SBF2: variants seen among roughly 807,000 people sequenced by gnomAD.
The protein encoded by SBF2 is SET binding factor 2, also known as myotubularin-related protein 13.
A neutral mutation model predicts 225.2 loss-of-function variants in SBF2; 112 were observed. The ratio of observed to expected loss-of-function variants is 0.50; its 90% confidence interval spans 0.43 to 0.58. The LOEUF is 0.58. SBF2 is among the 20% of genes least tolerant of loss of function. The pLI, the probability that SBF2 is intolerant of heterozygous loss-of-function variation, is 0.00. For missense variants in SBF2, 1,996 were observed against 2,206.2 expected (o/e 0.90, Z 1.91); for synonymous variants, 763 against 773.3 (o/e 0.99, Z 0.22).
chr11:10,166,510 A>C lies in SBF2; in HGVS notation c.141+27392T>G, dbSNP rs558482434. ...ATTAGTAATCTTAAAGGATAAATTA[A>C]TCTTGTTTATATACTTCTATATTTA... is the stretch of plus-strand genomic sequence containing the variant. On this transcript the variant is annotated intron_variant, in intron 2 of 39. Coordinates refer to ENST00000256190, the MANE Select transcript of SBF2 (RefSeq NM_030962.4). 2.4e-4 allele frequency among the ~76,000 whole-genome samples: 37 copies of C among 152,308 alleles called. No homozygotes were observed. In the South Asian group the frequency reaches 7.5e-3, roughly 31 times the overall value.
At chr11:10,140,011 T>C (rs1327937801) in intron 2 of SBF2, among the ~76,000 whole-genome samples, 1 of 152,208 alleles carries the variant, frequency 6.6e-6, no homozygotes, top group African/African-American at 2.4e-5. Flanking sequence ...ATATAGGAGA[T>C]TAAACTTGTA....
chr11:9,909,486 A>G (rs1363436090), intron 16 of SBF2, among the ~76,000 whole-genome samples: 2 of 152,086 alleles, frequency 1.3e-5, no homozygotes, highest in African/African-American at 4.8e-5. Flanking sequence ...CCTGGCTAAC[A>G]CAGTGAAACC....
chr11:10,176,948 T>C (rs1267357636), intron 2 of SBF2, among the ~76,000 whole-genome samples: 2 of 152,222 alleles, frequency 1.3e-5, no homozygotes, highest in East Asian at 3.9e-4. Context: ...CTCAATAAAA[T>C]ACTGGCAAAC....
chr11:10,020,664 T>C (rs750082212), intron 6 of SBF2, among the ~76,000 whole-genome samples: 1 of 152,178 alleles, frequency 6.6e-6, no homozygotes, highest in Non-Finnish European at 1.5e-5. Context: ...CAATTTTTGC[T>C]GCAGACTCCT....
chr11:9,974,000 T>C (rs1002493747), intron 13 of SBF2, among the ~76,000 whole-genome samples: 1 of 152,188 alleles, frequency 6.6e-6, no homozygotes, highest in African/African-American at 2.4e-5. Flanking sequence ...ATTTTTTTTC[T>C]AATACAGTTG....
At chr11:10,165,939 C>T (rs1367003332) in intron 2 of SBF2, among the ~76,000 whole-genome samples, 1 of 151,986 alleles carries the variant, frequency 6.6e-6, no homozygotes, top group African/African-American at 2.4e-5. Flanking sequence ...AGTTAATGGT[C>T]CTATAAACTC....
At chr11:10,069,846 G>A (rs531321742) in intron 2 of SBF2, among the ~76,000 whole-genome samples, 25 of 152,148 alleles carry the variant, frequency 1.6e-4, no homozygotes, top group South Asian at 4.2e-4. Flanking sequence ...TTTAATGATC[G>A]CCATTCTAAC....
At chr11:9,889,038 C>A (rs1478884194) in intron 17 of SBF2, among the ~76,000 whole-genome samples, 1 of 152,222 alleles carries the variant, frequency 6.6e-6, no homozygotes, top group African/African-American at 2.4e-5. Flanking sequence ...AATGAACTTA[C>A]ATGAGAAACA....
chr11:9,938,747 C>T (rs981826599), intron 16 of SBF2, among the ~76,000 whole-genome samples: 3 of 151,638 alleles, frequency 2.0e-5, no homozygotes, highest in Non-Finnish European at 4.4e-5. Flanking sequence ...TTATAAATTC[C>T]AGCTGCAATA....
intron 9 of SBF2, among the ~76,000 whole-genome samples, chr11:9,997,904 T>G (rs138077954): frequency 6.6e-6 from 1 of 152,084 alleles, no homozygotes; most frequent in South Asian, 2.1e-4. Context: ...GAGATGCCAA[T>G]AGGGAGGTTA....
At chr11:9,937,519 A>G (rs576527054) in intron 16 of SBF2, among the ~76,000 whole-genome samples, 1 of 152,218 alleles carries the variant, frequency 6.6e-6, no homozygotes, top group African/African-American at 2.4e-5. Flanking sequence ...AAAAATAATT[A>G]TCCTAAATAA....
chr11:10,045,180 T>A (rs1380968878), intron 2 of SBF2, among the ~76,000 whole-genome samples: 2 of 151,842 alleles, frequency 1.3e-5, no homozygotes. Flanking sequence ...TCTTTTTTTT[T>A]TTTTTTGAGA....
chr11:10,223,285 A>C (rs1030815505), intron 1 of SBF2, among the ~76,000 whole-genome samples: 1 of 150,714 alleles, frequency 6.6e-6, no homozygotes, highest in Non-Finnish European at 1.5e-5. Context: ...TAGGAACCCC[A>C]ACCCCTAGAG....
rs1477237358 is a variant in SBF2 at position 10,240,159 on chromosome 11, T to G, written c.56-46172A>C. Among the ~76,000 whole-genome samples the G allele has an allele frequency of 2.0e-5, 3 of 151,968 alleles. No homozygotes were observed. In the East Asian group the frequency reaches 5.8e-4, roughly 29 times the overall value. On this transcript the variant is annotated intron_variant, in intron 1 of 39. Coordinates refer to ENST00000256190, the MANE Select transcript of SBF2 (RefSeq NM_030962.4). Reference sequence around the variant, plus strand: ...AAGCTAACTATACAGACTTAAAACCTTATCTCAGGAGATGAAACCCTAGAT... The same window carrying G: ...AAGCTAACTATACAGACTTAAAACCGTATCTCAGGAGATGAAACCCTAGAT...
chr11:9,886,724 T>A (rs1044652205), intron 17 of SBF2, among the ~76,000 whole-genome samples: 1 of 138,960 alleles, frequency 7.2e-6, no homozygotes, highest in African/African-American at 2.5e-5. Flanking sequence ...ATAATATTTA[T>A]GTCATCTCAT....
chr11:10,080,367 C>T (rs143600330), intron 2 of SBF2, among the ~76,000 whole-genome samples: 8 of 151,302 alleles, frequency 5.3e-5, no homozygotes, highest in East Asian at 1.9e-4. Flanking sequence ...ACCACTAGAC[C>T]GGTCCTATCA....
In SBF2 at chr11:9,858,344, G is replaced by T. The variant is rs746054770; in HGVS notation, c.1982C>A (p.Pro661His). Residue 661 changes from proline to histidine, a missense_variant, in exon 18 of 40, where the codon CCC (proline) becomes CAC (histidine). Coordinates refer to ENST00000256190, the MANE Select transcript of SBF2 (RefSeq NM_030962.4). ...QFAYTCVQDHPIWTNQQFWET... is the reference protein window; with the variant it reads ...QFAYTCVQDHHIWTNQQFWET... ...CCAAAATTGCTGATTTGTCCAAATG[G>T]GGTGGTCTTGTACACACGTGTAAGC... 1 of 1,614,018 alleles carries T rather than the reference G, an allele frequency of 6.2e-7. No individual in the cohort carries two copies. Among genetic ancestry groups the T allele is most frequent in the African/African-American group, 1.3e-5 (1 of 74,900 alleles).
At chr11:9,781,354 GC>G (rs1490455218) in intron 39 of SBF2, among the ~76,000 whole-genome samples, 152 bp downstream of exon 39, 1 of 152,230 alleles carries the variant, frequency 6.6e-6, no homozygotes, top group African/African-American at 2.4e-5. Flanking sequence ...GGTCAATAAT[GC>G]TGAGTTCAAG....
At chr11:9,810,184 G>A (rs994718102) in intron 30 of SBF2, 2 of 152,376 alleles carry the variant, frequency 1.3e-5, no homozygotes, top group Non-Finnish European at 2.9e-5. Flanking sequence ...GCTGAGGTAG[G>A]AGGATCGCTT....
Sources: gnomAD v4.1 joint callset for allele counts (sites outside exome capture counted in the v4.1 genomes callset) on GRCh38, gnomAD v4.1.1 for gene constraint, MANE v1.5 for transcripts, NCBI Gene and HGNC (gene_info 2026-07-23, HGNC 2026-07-21) for gene names.